Variants in PRR14L observed in about 807,000 individuals in gnomAD.
PRR14L encodes the protein proline rich 14 like.
Under a neutral mutation model 155.0 loss-of-function variants are expected in PRR14L, and 80 were observed. That is an observed-to-expected ratio of 0.52 (90% CI 0.43 to 0.62). The LOEUF (loss-of-function observed/expected upper bound fraction) is 0.62. PRR14L is among the 20% of genes least tolerant of loss of function. The pLI, the probability that PRR14L is intolerant of heterozygous loss-of-function variation, is 0.00. For synonymous variants in PRR14L, 883 were observed against 916.0 expected, an observed-to-expected ratio of 0.96 and a Z score of 0.65; for missense variants, 2,469 against 2,548.0, an observed-to-expected ratio of 0.97 and a Z score of 0.67.
chr22:31,688,925 C>CACACACACAAAA (rs1165552534), intron 7 of PRR14L, among the ~76,000 whole-genome samples: 2 of 151,358 alleles, frequency 1.3e-5, no homozygotes, highest in African/African-American at 4.8e-5. Context: ...CACACACACA[C>CACACACACAAAA]AAAAACCCTT....
rs191320741 is a variant in PRR14L, at chr22:31,717,851, C to T, written c.548-560G>A. On this transcript the variant is annotated intron_variant, in intron 3 of 8. Transcript: ENST00000327423. ...TCTCAGTTCACTGCAACCTCCACCTCTCAGCTCAAGCAATTTTCCCGCCTC... is the reference window on the plus strand; with the variant it reads ...TCTCAGTTCACTGCAACCTCCACCTTTCAGCTCAAGCAATTTTCCCGCCTC... Among the ~76,000 whole-genome samples, 378 of 152,006 alleles carry T rather than the reference C, an allele frequency of 2.5e-3. 1 individual carries two copies. Among genetic ancestry groups the T allele is most frequent in the Non-Finnish European group, 2.6e-3 (177 of 67,994 alleles).
chr22:31,736,629 C>T (rs2074783228), intron 2 of PRR14L, among the ~76,000 whole-genome samples: 1 of 152,128 alleles, frequency 6.6e-6, no homozygotes, highest in South Asian at 2.1e-4. Context: ...AAACCACAGC[C>T]CTCAGGCCAG....
intron 1 of PRR14L, among the ~76,000 whole-genome samples, chr22:31,748,698 T>C (rs528451962): frequency 4.6e-5 from 7 of 152,152 alleles, no homozygotes; most frequent in Admixed American, 2.6e-4. Context: ...CTACAGTAAG[T>C]CAGGGAAGTG....
At chr22:31,738,342 T>C (rs1382440881) in intron 2 of PRR14L, 45 bp downstream of exon 2, 1 of 1,431,976 alleles carries the variant, frequency 7.0e-7, no homozygotes, top group Admixed American at 2.2e-5. Context: ...CAGAGAAAGC[T>C]GTCATTCACA....
chr22:31,733,558 G>GC (rs944510673), intron 2 of PRR14L, among the ~76,000 whole-genome samples: 19 of 151,992 alleles, frequency 1.3e-4, no homozygotes, highest in Admixed American at 1.3e-4. Flanking sequence ...ACCCGCCTCG[G>GC]CCCCCCGAAG....
intron 6 of PRR14L, among the ~76,000 whole-genome samples, chr22:31,703,185 T>C (rs889549416): frequency 2.0e-5 from 3 of 152,216 alleles, no homozygotes; most frequent in Non-Finnish European, 4.4e-5. Flanking sequence ...GTTCAGATAT[T>C]GAGACTGTCA....
At chr22:31,722,887 T>C (rs549509878) in intron 3 of PRR14L, among the ~76,000 whole-genome samples, 1 of 152,294 alleles carries the variant, frequency 6.6e-6, no homozygotes, top group South Asian at 2.1e-4. Context: ...TGCCTGACCT[T>C]GGCAGAGCAA....
In PRR14L at chr22:31,713,697, C is replaced by T. The variant is rs1299015026; in HGVS notation, c.4142G>A (p.Gly1381Glu). 1 of 1,552,120 alleles carries T rather than the reference C, an allele frequency of 6.4e-7. No individual in the cohort carries two copies. Among genetic ancestry groups the T allele is most frequent in the South Asian group, 1.2e-5 (1 of 84,056 alleles). Residue 1381 changes from glycine (G) to glutamate (E), a missense_variant, in exon 4 of 9, where the codon GGG (glycine) becomes GAG (glutamate). By Grantham distance (98) the Gly-to-Glu change is moderately conservative. Around this residue, in one of 2 missense-constraint regions of PRR14L, gnomAD observed 2,363 missense variants for 2,371.6 expected, o/e 1.00. Coordinates refer to ENST00000327423, the MANE Select transcript of PRR14L (RefSeq NM_173566.3). Reference sequence around the variant, plus strand: ...CTGTTTTTCAGCATGATTAAGTATCCCCCGGCATTTAAAATGGGTCTGAGA... The same window carrying T: ...CTGTTTTTCAGCATGATTAAGTATCTCCCGGCATTTAAAATGGGTCTGAGA... The part of the protein sequence containing the change: ...NISQTHFKCR[G>E]ILNHAEKQQS...
chr22:31,691,058 G>A (rs1352157198), intron 7 of PRR14L, among the ~76,000 whole-genome samples: 1 of 151,550 alleles, frequency 6.6e-6, no homozygotes, highest in Non-Finnish European at 1.5e-5. Flanking sequence ...CCGCATTCCG[G>A]GTTCAAGCGA....
intron 2 of PRR14L, among the ~76,000 whole-genome samples, chr22:31,726,047 A>G (rs5753767): frequency 0.056 from 8,586 of 152,204 alleles, 651 homozygotes; most frequent in East Asian, 0.39. Flanking sequence ...GCACTGAAGG[A>G]AACCTCAAAT....
chr22:31,688,198 T>G lies in PRR14L; in HGVS notation c.6137A>C (p.Glu2046Ala). 1 of 1,603,600 alleles carries G rather than the reference T, an allele frequency of 6.2e-7. No homozygotes were observed. The change falls in exon 8 of 9, where the codon GAG becomes GCG. Residue 2046 changes from glutamate to alanine, a missense_variant. Around this residue, in one of 2 missense-constraint regions of PRR14L, gnomAD observed 106 missense variants for 176.4 expected, o/e 0.60. Coordinates refer to ENST00000327423, the MANE Select transcript of PRR14L (RefSeq NM_173566.3). ...TTTATAATTCTTGTTGGTATATATC[T>G]CTTCTAAACTAAACTCCTTCTTCTT... ...RLKKKEFSLE[E>A]IYTNKNYKSP...
rs747773142 is a variant in PRR14L at position 31,681,709 on chromosome 22, T to C, written c.*3818A>G. Reference sequence around the variant, plus strand: ...CCCCCTTTCATCATCAAAATAGCTTTTGCTGCTTGATTTGTGGCTAGACGG... The same window carrying C: ...CCCCCTTTCATCATCAAAATAGCTTCTGCTGCTTGATTTGTGGCTAGACGG... On this transcript the variant is annotated 3_prime_UTR_variant, in exon 9 of 9. Coordinates refer to ENST00000327423, the MANE Select transcript of PRR14L (RefSeq NM_173566.3). 2.0e-5 allele frequency: 3 copies of C among 152,176 alleles called. No homozygotes were observed. Among genetic ancestry groups the C allele is most frequent in the Non-Finnish European group, 4.4e-5 (3 of 68,044 alleles). The allele number at this position is 152,176 out of a possible 1,614,324, so 9.4% of individuals were successfully genotyped here. A position where few individuals can be genotyped will look rare whatever the true frequency, so the allele number is the denominator to read the frequency against.
At chr22:31,701,137 C>T (rs1204330943) in intron 7 of PRR14L, among the ~76,000 whole-genome samples, 4 of 151,668 alleles carry the variant, frequency 2.6e-5, no homozygotes, top group African/African-American at 9.7e-5. Flanking sequence ...TATAGGCATG[C>T]GCCACCAAGC....
intron 2 of PRR14L, among the ~76,000 whole-genome samples, chr22:31,732,389 C>T (rs973719155): frequency 1.3e-5 from 2 of 152,182 alleles, no homozygotes; most frequent in Admixed American, 6.6e-5. Context: ...ACTGTGCCTA[C>T]ACTATAACGT....
At position 31,715,779 on chromosome 22, in the gene PRR14L, T is replaced by A; in HGVS notation, c.2060A>T (p.His687Leu). Residue 687 changes from histidine to leucine, a missense_variant, in exon 4 of 9, where the codon CAT (histidine) becomes CTT (leucine). His to Leu is a moderately conservative substitution (Grantham distance 99). Around this residue, in one of 2 missense-constraint regions of PRR14L, gnomAD observed 2,363 missense variants for 2,371.6 expected, o/e 1.00. Coordinates refer to ENST00000327423, the MANE Select transcript of PRR14L (RefSeq NM_173566.3). ...EMPLATGRDA[H>L]QSHHPPLEGR... is the part of the protein sequence containing the mutation. ...CTCTAATGGAGGGTGATGGCTCTGA[T>A]GGGCATCTCTGCCTGTTGCTAAAGG... 1 of 1,551,854 alleles carries A rather than the reference T, an allele frequency of 6.4e-7. No homozygotes were observed.
In PRR14L at chr22:31,705,670, C is replaced by T. The variant is rs2074587200; in HGVS notation, c.5757-944G>A. Among the ~76,000 whole-genome samples, 3 of 151,980 alleles carry T rather than the reference C, an allele frequency of 2.0e-5. 1 individual carries two copies. The South Asian group carries it at 6.2e-4, about 32-fold the overall frequency. On this transcript the variant is annotated intron_variant, in intron 4 of 8. Coordinates refer to ENST00000327423, the MANE Select transcript of PRR14L (RefSeq NM_173566.3). ...TACAGGCATGAGCCACCGCGCCTGG[C>T]CCAATTATTTTCTTTAAAGCCAAGT...
intron 7 of PRR14L, among the ~76,000 whole-genome samples, chr22:31,698,534 CA>C (rs34490365): frequency 0.016 from 2,127 of 129,452 alleles, 86 homozygotes; most frequent in Admixed American, 0.089. Context: ...AACTACATCT[CA>C]AAAAAAAAAA....
chr22:31,719,583 G>A (rs81946), intron 3 of PRR14L, among the ~76,000 whole-genome samples: 3 of 151,958 alleles, frequency 2.0e-5, no homozygotes, highest in South Asian at 4.1e-4. Context: ...ATTAATGAAC[G>A]AATATAGTTA....
At chr22:31,691,109 G>T (rs933457222) in intron 7 of PRR14L, among the ~76,000 whole-genome samples, 2 of 150,996 alleles carry the variant, frequency 1.3e-5, no homozygotes, top group African/African-American at 4.9e-5. Flanking sequence ...GATTACAGGC[G>T]CCTACCACCA....
Sources: allele counts gnomAD v4.1 joint callset (sites outside exome capture counted in the v4.1 genomes callset), GRCh38; gene constraint gnomAD v4.1.1; regional missense constraint gnomAD v4.1.1; transcripts MANE v1.5; gene names NCBI Gene and HGNC (gene_info 2026-07-23, HGNC 2026-07-21).